ANKRD17: variants seen among roughly 807,000 people sequenced by gnomAD.
ANKRD17 encodes the protein ankyrin repeat domain 17, also known as ankyrin repeat domain-containing protein 17.
A neutral mutation model predicts 229.7 loss-of-function variants in ANKRD17; 19 were observed. That is an observed-to-expected ratio of 0.08 (90% CI 0.06 to 0.12). The LOEUF is 0.12. Among genes scored for constraint, ANKRD17 ranks in the 10% least tolerant of loss-of-function variants. ANKRD17 has a pLI of 1.00. For synonymous variants in ANKRD17, 1,112 were observed against 1,146.1 expected (o/e 0.97, Z 0.60); for missense variants, 2,176 against 3,176.8 (o/e 0.68, Z 7.57).
chr4:73,187,962 A>G (rs1436455777), intron 1 of ANKRD17, among the ~76,000 whole-genome samples: 1 of 152,208 alleles, frequency 6.6e-6, no homozygotes, highest in African/African-American at 2.4e-5. Flanking sequence ...TAGAAATAGA[A>G]GTAATTAACT....
intron 21 of ANKRD17, among the ~76,000 whole-genome samples, chr4:73,119,734 G>C (rs1214230839): frequency 6.6e-6 from 1 of 152,204 alleles, no homozygotes; most frequent in Non-Finnish European, 1.5e-5. Context: ...AAAGTAGAAA[G>C]TACCTTGGAT....
In ANKRD17 at chr4:73,258,456, G is replaced by C. The variant is rs148908301; in HGVS notation, c.213C>G (p.His71Gln). The C allele has an allele frequency of 1.6e-5, 25 of 1,607,520 alleles. No homozygotes were observed. In the African/African-American group the frequency reaches 2.1e-4, roughly 14 times the overall value. Residue 71 changes from histidine (H) to glutamine (Q), a missense_variant, in exon 1 of 34, where the codon CAC (histidine) becomes CAG (glutamine). Coordinates refer to ENST00000358602, the MANE Select transcript of ANKRD17 (RefSeq NM_032217.5). ...AAGTCCGGTTACGCTTGGCCTTGTG[G>C]TGCTGCTGCTGCGGCGGCTTCTTCT... ...LLKKKPPQQQHHKAKRNRTCR... is the reference protein window; with the variant it reads ...LLKKKPPQQQQHKAKRNRTCR...
In ANKRD17 at chr4:73,148,807, G is replaced by T. The variant is rs200759769; in HGVS notation, c.1567+6C>A. On this transcript the variant is annotated splice_donor_region_variant and intron_variant, in intron 8 of 33. Transcript: ENST00000358602. ...TATACTTTAGTGTCTTGATAGATAC[G>T]GTTACCTTGACCAAGAAGTAATGCC... 20 of 1,609,356 alleles carry T rather than the reference G, an allele frequency of 1.2e-5. No individual in the cohort carries two copies. Among genetic ancestry groups the T allele is most frequent in the Non-Finnish European group, 1.7e-5 (20 of 1,176,022 alleles).
chr4:73,185,585 C>A (rs1303273306), intron 1 of ANKRD17, among the ~76,000 whole-genome samples: 1 of 151,918 alleles, frequency 6.6e-6, no homozygotes, highest in Non-Finnish European at 1.5e-5. Context: ...CTAAATTTTT[C>A]TTTTAGTAAG....
intron 3 of ANKRD17, among the ~76,000 whole-genome samples, chr4:73,157,904 A>G (rs866640419): frequency 9.9e-5 from 15 of 152,114 alleles, no homozygotes; most frequent in Admixed American, 3.9e-4. Flanking sequence ...CCTGGCTAAC[A>G]CGGTGAAACC....
chr4:73,190,320 G>C (rs926696457), intron 1 of ANKRD17, among the ~76,000 whole-genome samples: 5 of 152,114 alleles, frequency 3.3e-5, no homozygotes, highest in African/African-American at 4.8e-5. Flanking sequence ...AGTGAGCTGA[G>C]ATTGCGCCAC....
At position 73,161,327 on chromosome 4, in the gene ANKRD17, G is replaced by T. The variant is rs1283669704; in HGVS notation, c.569C>A (p.Ala190Asp). 6.2e-7 allele frequency: 1 copy of T among 1,614,008 alleles called. No homozygotes were observed. Among genetic ancestry groups the T allele is most frequent in the Non-Finnish European group, 8.5e-7 (1 of 1,180,020 alleles). The stretch of plus-strand genomic sequence containing the variant: ...AGGATCTGCAAAGGCTTTACCATCA[G>T]CCGTGGACAATTTTCCTATTCCTAT... The part of the protein sequence containing the change: ...EAAGIGKLST[A>D]DGKAFADPEV... Residue 190 changes from alanine (A) to aspartate (D), a missense_variant, in exon 3 of 34, where the codon GCT (alanine) becomes GAT (aspartate). By Grantham distance (126) the Ala-to-Asp change is moderately radical. Transcript: ENST00000358602.
At chr4:73,110,799 TA>T (rs1180987616) in intron 24 of ANKRD17, among the ~76,000 whole-genome samples, 2 of 152,206 alleles carry the variant, frequency 1.3e-5, no homozygotes, top group Non-Finnish European at 2.9e-5. Flanking sequence ...AAACTATACA[TA>T]AAAGTATATA....
intron 1 of ANKRD17, among the ~76,000 whole-genome samples, chr4:73,229,243 T>C (rs1459146521): frequency 1.3e-5 from 2 of 152,192 alleles, no homozygotes; most frequent in Non-Finnish European, 2.9e-5. Flanking sequence ...GTAACAAACC[T>C]GCACGTTGTG....
At chr4:73,161,057 C>A in intron 3 of ANKRD17, 135 bp downstream of exon 3, 1 of 1,124,858 alleles carries the variant, frequency 8.9e-7, no homozygotes, top group Non-Finnish European at 1.2e-6. Context: ...TTTTGTGAAT[C>A]TAAATAAGAC....
rs768353156 is a variant in ANKRD17, at chr4:73,139,905, T to G, written c.2711A>C (p.Gln904Pro). 1 of 1,614,238 alleles carries G rather than the reference T, an allele frequency of 6.2e-7. No homozygotes were observed. The highest frequency in any genetic ancestry group is 2.2e-5 in the East Asian group (1 of 44,888). Residue 904 changes from glutamine to proline, a missense_variant, in exon 15 of 34, where the codon CAG becomes CCG. Gln to Pro is a moderately conservative substitution (Grantham distance 76). Transcript: ENST00000358602. Reference protein sequence around the residue: ...QRIQLQQQQQQSCQHLGLLTP... With the variant: ...QRIQLQQQQQPSCQHLGLLTP... ...TAGTAATCCCAGGTGTTGGCAAGAC[T>G]GTTGCTGCTGTTGCTGAAGTTGAAT...
intron 1 of ANKRD17, among the ~76,000 whole-genome samples, chr4:73,205,768 T>C (rs1453151340): frequency 1.3e-5 from 2 of 152,214 alleles, no homozygotes; most frequent in Non-Finnish European, 1.5e-5. Flanking sequence ...CAAGCTTTTA[T>C]ACAGCCAAGG....
At chr4:73,240,399 G>T (rs1177637890) in intron 1 of ANKRD17, among the ~76,000 whole-genome samples, 2 of 151,344 alleles carry the variant, frequency 1.3e-5, no homozygotes, top group Non-Finnish European at 2.9e-5. Flanking sequence ...CAAGGCAGGA[G>T]GATCACCTGA....
At chr4:73,081,957 G>A (rs1233338757) in intron 30 of ANKRD17, among the ~76,000 whole-genome samples, 1 of 151,936 alleles carries the variant, frequency 6.6e-6, no homozygotes, top group East Asian at 1.9e-4. Flanking sequence ...ATCAGGCTGG[G>A]CAACGTGGTA....
chr4:73,082,622 G>C (rs1157408655), intron 30 of ANKRD17, among the ~76,000 whole-genome samples: 1 of 152,198 alleles, frequency 6.6e-6, no homozygotes, highest in Non-Finnish European at 1.5e-5. Context: ...GTTTAGTTCA[G>C]TGTTTATTAA....
intron 2 of ANKRD17, among the ~76,000 whole-genome samples, chr4:73,176,359 A>G (rs975615739): frequency 2.0e-5 from 3 of 150,818 alleles, no homozygotes; most frequent in Non-Finnish European, 4.5e-5. Flanking sequence ...GTGAGAATGT[A>G]AATTAATACA....
At chr4:73,147,465 T>A (rs754692703) in intron 8 of ANKRD17, 33 bp from the exon 9 acceptor site, 13 of 1,424,606 alleles carry the variant, frequency 9.1e-6, no homozygotes, top group Non-Finnish European at 1.1e-5. Flanking sequence ...TTAAAGAAAG[T>A]CATTAACTTA....
intron 24 of ANKRD17, among the ~76,000 whole-genome samples, chr4:73,106,463 C>G (rs1578065631): frequency 6.6e-6 from 1 of 152,082 alleles, no homozygotes; most frequent in East Asian, 1.9e-4. Flanking sequence ...AGTAGCAAAC[C>G]ATAGTGAAAG....
intron 1 of ANKRD17, among the ~76,000 whole-genome samples, chr4:73,191,339 ATATGTGTGTG>A (rs1267294655): frequency 1.2e-4 from 7 of 60,848 alleles, no homozygotes; most frequent in African/African-American, 3.6e-4. Flanking sequence ...CAAAAAATAT[ATATGTGTGTG>A]TGTGTGTGTG....
Sources: gnomAD v4.1 joint callset for allele counts (sites outside exome capture counted in the v4.1 genomes callset) on GRCh38, gnomAD v4.1.1 for gene constraint, MANE v1.5 for transcripts, NCBI Gene and HGNC (gene_info 2026-07-23, HGNC 2026-07-21) for gene names.